GRID1: variants seen among roughly 807,000 people sequenced by gnomAD.
GRID1 encodes the protein glutamate ionotropic receptor delta type subunit 1, also known as glutamate receptor ionotropic, delta-1.
A neutral mutation model predicts 98.0 loss-of-function variants in GRID1; 28 were observed. That is an observed-to-expected ratio of 0.29 (90% CI 0.21 to 0.39). GRID1 has a LOEUF of 0.39. Among genes scored for constraint, GRID1 ranks in the 10% least tolerant of loss-of-function variants. The pLI is 1.00. For synonymous variants in GRID1, 553 were observed against 538.5 expected (o/e 1.03, Z -0.37); for missense variants, 1,111 against 1,340.5 (o/e 0.83, Z 2.67).
chr10:86,147,802 AC>A (rs1212419267), intron 3 of GRID1, among the ~76,000 whole-genome samples: 2 of 152,062 alleles, frequency 1.3e-5, no homozygotes, highest in African/African-American at 4.8e-5. Flanking sequence ...AGAGCCCAGA[AC>A]CCCGACCACA....
chr10:85,805,989 T>C (rs1457835233), intron 8 of GRID1, among the ~76,000 whole-genome samples: 2 of 150,182 alleles, frequency 1.3e-5, no homozygotes, highest in African/African-American at 4.9e-5. Flanking sequence ...ATAACTATCA[T>C]GCTTTAAAAA....
At chr10:86,214,701 T>TA (rs965057120) in intron 2 of GRID1, among the ~76,000 whole-genome samples, 45 of 151,814 alleles carry the variant, frequency 3.0e-4, no homozygotes, top group Admixed American at 2.2e-3. Context: ...TGTCTCTACT[T>TA]AAAAAAAATA....
At chr10:86,137,823 C>T (rs903618863) in intron 4 of GRID1, among the ~76,000 whole-genome samples, 1 of 152,160 alleles carries the variant, frequency 6.6e-6, no homozygotes, top group Non-Finnish European at 1.5e-5. Context: ...TTTAAGTTCC[C>T]CAGCAGTGGG....
At chr10:85,675,344 C>T (rs1042794065) in intron 12 of GRID1, among the ~76,000 whole-genome samples, 3 of 152,154 alleles carry the variant, frequency 2.0e-5, no homozygotes, top group Non-Finnish European at 4.4e-5. Flanking sequence ...CACCCACCAG[C>T]TATTCCAGAT....
chr10:86,362,720 C>T (rs1459927327), intron 2 of GRID1, among the ~76,000 whole-genome samples: 1 of 152,230 alleles, frequency 6.6e-6, no homozygotes, highest in South Asian at 2.1e-4. Context: ...GCTCTGACCC[C>T]CCAGACCCAG....
At chr10:85,975,616 T>C (rs1842462425) in intron 4 of GRID1, among the ~76,000 whole-genome samples, 1 of 151,978 alleles carries the variant, frequency 6.6e-6, no homozygotes, top group Non-Finnish European at 1.5e-5. Flanking sequence ...AAATGAGCAG[T>C]GTCCAGTCTA....
intron 8 of GRID1, among the ~76,000 whole-genome samples, chr10:85,844,464 CACAA>C (rs1272266817): frequency 2.8e-4 from 39 of 139,466 alleles, no homozygotes; most frequent in African/African-American, 1.1e-3. Context: ...CACACACACA[CACAA>C]ATGAAACTGG....
chr10:85,957,812 AT>A (rs1345475411), intron 4 of GRID1, among the ~76,000 whole-genome samples: 2 of 152,188 alleles, frequency 1.3e-5, no homozygotes, highest in African/African-American at 4.8e-5. Context: ...GGAGAGGTTA[AT>A]GGAAAGCTAG....
chr10:86,033,709 G>C (rs1843217701), intron 4 of GRID1, among the ~76,000 whole-genome samples: 1 of 152,206 alleles, frequency 6.6e-6, no homozygotes, highest in South Asian at 2.1e-4. Flanking sequence ...AGGGCTCCAG[G>C]CCAGCAAGAA....
intron 4 of GRID1, among the ~76,000 whole-genome samples, chr10:85,954,731 G>C (rs1842168178): frequency 6.6e-6 from 1 of 152,186 alleles, no homozygotes; most frequent in Non-Finnish European, 1.5e-5. Context: ...TGGCAGAACT[G>C]TGCTAAACCC....
intron 13 of GRID1, chr10:85,644,310 C>T (rs1843159786): frequency 6.6e-6 from 1 of 152,214 alleles, no homozygotes; most frequent in Non-Finnish European, 1.5e-5. Context: ...TAATCTAAAC[C>T]TAACACCAAC....
intron 8 of GRID1, among the ~76,000 whole-genome samples, chr10:85,798,537 GT>G (rs201626160): frequency 1.3e-5 from 2 of 151,852 alleles, no homozygotes; most frequent in East Asian, 3.9e-4. Flanking sequence ...CATTTGTTAT[GT>G]TTTTTTTGTA....
At position 85,613,420 on chromosome 10, in the gene GRID1, T is replaced by C; in HGVS notation, c.2588A>G (p.Glu863Gly). 1 of 1,613,112 alleles carries C rather than the reference T, an allele frequency of 6.2e-7. No individual in the cohort carries two copies. The highest frequency in any genetic ancestry group is 8.5e-7 in the Non-Finnish European group (1 of 1,179,850). The change falls in exon 15 of 16, where the codon GAG becomes GGG. Residue 863 changes from glutamate to glycine, a missense_variant. By Grantham distance (98) the Glu-to-Gly change is moderately conservative (BLOSUM62 -2). Around this residue, in one of 3 missense-constraint regions of GRID1, gnomAD observed 762 missense variants for 869.1 expected, o/e 0.88. Coordinates refer to ENST00000327946, the MANE Select transcript of GRID1 (RefSeq NM_017551.3). The part of the protein sequence containing the change: ...LWWNSNRCHQ[E>G]TPKEDKEVNL... ...CAGGGTGCTGACCTCCTTGGGGGTC[T>C]CCTGGTGGCACCGGTTGCTGTTCCA...
chr10:86,363,845 C>T (rs1848637987), intron 2 of GRID1, 96 bp downstream of exon 2: 6 of 1,078,284 alleles, frequency 5.6e-6, no homozygotes, highest in Non-Finnish European at 8.1e-6. Context: ...AGAGGGTGCC[C>T]TGCGCAGCCC....
chr10:85,801,894 C>A (rs1463412963), intron 8 of GRID1, among the ~76,000 whole-genome samples: 2 of 151,834 alleles, frequency 1.3e-5, no homozygotes, highest in Admixed American at 1.3e-4. Flanking sequence ...CAAAAATAAT[C>A]TTGAGAAAAA....
intron 8 of GRID1, among the ~76,000 whole-genome samples, chr10:85,817,967 A>G (rs534608911): frequency 9.0e-4 from 137 of 152,304 alleles, no homozygotes; most frequent in Non-Finnish European, 1.6e-3. Context: ...AAGGGAGTTG[A>G]CCTAAGTAGC....
intron 4 of GRID1, among the ~76,000 whole-genome samples, chr10:85,969,747 G>C (rs781391402): frequency 6.6e-6 from 1 of 151,804 alleles, no homozygotes; most frequent in African/African-American, 2.4e-5. Flanking sequence ...GAGAAAGAAG[G>C]CCTCAAATCA....
chr10:86,087,838 G>A (rs781506525), intron 4 of GRID1, among the ~76,000 whole-genome samples: 5 of 152,076 alleles, frequency 3.3e-5, no homozygotes, highest in Non-Finnish European at 7.4e-5. Context: ...GGCAGCCTAA[G>A]TTTTCATGGC....
At chr10:86,242,493 A>T (rs1313580857) in intron 2 of GRID1, among the ~76,000 whole-genome samples, 1 of 152,174 alleles carries the variant, frequency 6.6e-6, no homozygotes, top group African/African-American at 2.4e-5. Context: ...TGGTGGAGGG[A>T]TGCCCTCATC....
Sources: allele counts gnomAD v4.1 joint callset (sites outside exome capture counted in the v4.1 genomes callset), GRCh38; gene constraint gnomAD v4.1.1; regional missense constraint gnomAD v4.1.1; transcripts MANE v1.5; gene names NCBI Gene and HGNC (gene_info 2026-07-23, HGNC 2026-07-21).